ATP2B2: variants seen among roughly 807,000 people sequenced by gnomAD.
The protein encoded by ATP2B2 is ATPase plasma membrane Ca2+ transporting 2.
In ATP2B2, 15 loss-of-function variants were observed where a neutral mutation model predicts 120.0. That is an observed-to-expected ratio of 0.12 (90% CI 0.08 to 0.19). The LOEUF is 0.19. ATP2B2 is among the 10% of genes least tolerant of loss of function. The pLI is 1.00. For missense variants in ATP2B2, 1,045 were observed against 1,719.8 expected (o/e 0.61, Z 6.94); for synonymous variants, 694 against 700.3 (o/e 0.99, Z 0.14).
chr3:10,670,473 A>G (rs1426301346), intron 1 of ATP2B2, among the ~76,000 whole-genome samples: 1 of 152,186 alleles, frequency 6.6e-6, no homozygotes, highest in Non-Finnish European at 1.5e-5. Flanking sequence ...GCTGGAATGC[A>G]GTGGTGTGAT....
intron 2 of ATP2B2, among the ~76,000 whole-genome samples, chr3:10,413,353 C>A (rs148877962): frequency 1.4e-4 from 21 of 152,220 alleles, no homozygotes; most frequent in Non-Finnish European, 3.1e-4. Flanking sequence ...ACTGGGGGAG[C>A]CCAGGGATGG....
At chr3:10,406,513 C>T (rs2062417508) in intron 3 of ATP2B2, among the ~76,000 whole-genome samples, 1 of 152,204 alleles carries the variant, frequency 6.6e-6, no homozygotes, top group Non-Finnish European at 1.5e-5. Context: ...CATTGTGTTA[C>T]AGCTACCTAC....
intron 2 of ATP2B2, among the ~76,000 whole-genome samples, chr3:10,582,472 T>C (rs2068414062): frequency 6.6e-6 from 1 of 152,180 alleles, no homozygotes; most frequent in Admixed American, 6.5e-5. Context: ...GGGAGACAGA[T>C]GATGAACACA....
intron 1 of ATP2B2, among the ~76,000 whole-genome samples, chr3:10,643,566 C>T (rs954716494): frequency 1.7e-4 from 26 of 152,162 alleles, no homozygotes; most frequent in African/African-American, 5.8e-4. Context: ...GCATCACATG[C>T]CTGGGAAAGA....
chr3:10,429,752 G>A (rs959515653), intron 2 of ATP2B2, among the ~76,000 whole-genome samples: 1 of 152,242 alleles, frequency 6.6e-6, no homozygotes, highest in Non-Finnish European at 1.5e-5. Context: ...TAGGCTGAAA[G>A]CTAGGCCTCT....
intron 1 of ATP2B2, among the ~76,000 whole-genome samples, chr3:10,673,927 G>A (rs945423772): frequency 6.6e-6 from 1 of 151,932 alleles, no homozygotes; most frequent in South Asian, 2.1e-4. Context: ...ATGGTATCAG[G>A]GTGGAGGTCA....
chr3:10,538,150 C>T (rs9873122), intron 2 of ATP2B2, among the ~76,000 whole-genome samples: 33,130 of 152,100 alleles, frequency 0.22, 4,588 homozygotes, highest in East Asian at 0.45. Flanking sequence ...AATAGTAGCT[C>T]CTTAAAATAT....
At chr3:10,491,945 G>A (rs1412364202) in intron 1 of ATP2B2, among the ~76,000 whole-genome samples, 1 of 152,126 alleles carries the variant, frequency 6.6e-6, no homozygotes, top group Non-Finnish European at 1.5e-5. Flanking sequence ...AAAATGCGGG[G>A]AAAAAAGTGC....
intron 2 of ATP2B2, among the ~76,000 whole-genome samples, chr3:10,563,456 T>TC (rs1044425362): frequency 1.3e-5 from 2 of 152,246 alleles, no homozygotes; most frequent in African/African-American, 4.8e-5. Context: ...TATGTGGCTT[T>TC]CCCCCTTCCA....
chr3:10,410,757 A>G lies in ATP2B2; in HGVS notation c.258T>C (p.Phe86=). The G allele has an allele frequency of 6.2e-7, 1 of 1,614,186 alleles. No individual in the cohort carries two copies. The highest frequency in any genetic ancestry group is 8.5e-7 in the Non-Finnish European group (1 of 1,180,040). ...EKRKQIFGQN[F]IPPKKPKTFL... The stretch of plus-strand genomic sequence containing the variant: ...AGGTTTTTGGCTTCTTTGGAGGTAT[A>G]AAGTTTTGCCCAAAAATTTGCTTTC... Residue 86 remains phenylalanine, a synonymous_variant, in exon 3 of 23, where the codon TTT becomes TTC. Coordinates refer to ENST00000360273, the MANE Select transcript of ATP2B2 (RefSeq NM_001001331.4).
chr3:10,491,494 G>A (rs2065934921), intron 1 of ATP2B2, among the ~76,000 whole-genome samples: 1 of 152,154 alleles, frequency 6.6e-6, no homozygotes, highest in African/African-American at 2.4e-5. Flanking sequence ...CCAATGTGCT[G>A]GGATTACAGG....
At chr3:10,666,498 A>G (rs1013756308) in intron 1 of ATP2B2, among the ~76,000 whole-genome samples, 2 of 152,178 alleles carry the variant, frequency 1.3e-5, no homozygotes, top group African/African-American at 4.8e-5. Context: ...CCAATGCCCA[A>G]CCAATCCCTC....
intron 13 of ATP2B2, 83 bp from the exon 14 acceptor site, chr3:10,359,008 T>C: frequency 7.6e-7 from 1 of 1,322,542 alleles, no homozygotes; most frequent in Non-Finnish European, 1.1e-6. Flanking sequence ...ACCCTCGTGA[T>C]GCCCAGCTAG....
intron 5 of ATP2B2, among the ~76,000 whole-genome samples, chr3:10,390,338 GT>G (rs1336647362): frequency 6.6e-6 from 1 of 152,198 alleles, no homozygotes; most frequent in African/African-American, 2.4e-5. Context: ...TAAAATAAGG[GT>G]TGAGGGGTTC....
At chr3:10,583,788 C>A (rs1326062816) in intron 2 of ATP2B2, among the ~76,000 whole-genome samples, 1 of 152,164 alleles carries the variant, frequency 6.6e-6, no homozygotes, top group Non-Finnish European at 1.5e-5. Context: ...GCCGGTTGCA[C>A]CCTGTTTCCC....
intron 1 of ATP2B2, among the ~76,000 whole-genome samples, chr3:10,685,443 T>C (rs1028030726): frequency 6.6e-6 from 1 of 152,118 alleles, no homozygotes; most frequent in Non-Finnish European, 1.5e-5. Context: ...AGCTGAGGTG[T>C]CTCCAGTTCA....
chr3:10,461,892 C>T (rs370215566), intron 1 of ATP2B2, among the ~76,000 whole-genome samples: 2 of 152,144 alleles, frequency 1.3e-5, no homozygotes, highest in South Asian at 2.1e-4. Context: ...GGTGAGGACC[C>T]CCACTGGCAA....
In ATP2B2 at chr3:10,375,252, T is replaced by C. The variant is rs965847388; in HGVS notation, c.1416+178A>G. 1.3e-4 allele frequency among the ~76,000 whole-genome samples: 20 copies of C among 152,290 alleles called. No individual in the cohort carries two copies. The South Asian group carries it at 2.1e-3, about 16-fold the overall frequency. On this transcript the variant is annotated intron_variant, in intron 11 of 22. Coordinates refer to ENST00000360273, the MANE Select transcript of ATP2B2 (RefSeq NM_001001331.4). The surrounding 1 kb of genome is among the most constrained non-coding windows in gnomAD (Gnocchi z 4.2). ...GGCTCTCTGGTTTGCTACAGGCCCC[T>C]GGACTCTATGAAAGCGTCAGAGTTT...
intron 2 of ATP2B2, among the ~76,000 whole-genome samples, chr3:10,592,230 T>C (rs1016663238): frequency 6.6e-6 from 1 of 152,234 alleles, no homozygotes; most frequent in South Asian, 2.1e-4. Context: ...TACTTAATAG[T>C]ATTGAGTGAA....
Sources: allele counts gnomAD v4.1 joint callset (sites outside exome capture counted in the v4.1 genomes callset), GRCh38; gene constraint gnomAD v4.1.1; non-coding constraint Gnocchi (gnomAD v3.1); transcripts MANE v1.5; gene names NCBI Gene and HGNC (gene_info 2026-07-23, HGNC 2026-07-21).